The following THNSL1 variants were observed in gnomAD, a reference collection of about 807,000 sequenced individuals.
THNSL1 encodes threonine synthase like 1, also known as threonine synthase-like 1.
Under a neutral mutation model 50.4 loss-of-function variants are expected in THNSL1, and 48 were observed. That is an observed-to-expected ratio of 0.95 (90% CI 0.76 to 1.21). The LOEUF (loss-of-function observed/expected upper bound fraction) is 1.21. Ranked by LOEUF, THNSL1 falls within the 50% of genes most tolerant of loss-of-function variation. THNSL1 has a pLI of 0.00. For synonymous variants in THNSL1, 309 were observed against 306.1 expected (o/e 1.01, Z -0.10); for missense variants, 896 against 871.7 (o/e 1.03, Z -0.35).
chr10:25,005,467 T>C, the THNSL1 span, among the ~76,000 whole-genome samples: 6 of 152,212 alleles, frequency 3.9e-5, no homozygotes, highest in Non-Finnish European at 8.8e-5. Context: ...ATTGAGATTT[T>C]TTTTTCCTCT....
the THNSL1 span, among the ~76,000 whole-genome samples, chr10:24,994,886 G>T: frequency 6.6e-6 from 1 of 151,974 alleles, no homozygotes; most frequent in Non-Finnish European, 1.5e-5. Context: ...ACCAGGCCTG[G>T]TGATGCATGC....
rs140656866 is a variant in THNSL1, at chr10:25,024,190, G to C, written c.967G>C (p.Ala323Pro). 5.6e-5 allele frequency: 91 copies of C among 1,614,074 alleles called. No individual in the cohort carries two copies. The highest frequency in any genetic ancestry group is 3.3e-5 in the Admixed American group (2 of 60,010). Residue 323 changes from alanine (A) to proline (P), a missense_variant, in exon 3 of 3, where the codon GCC becomes CCC. Transcript: ENST00000376356. Reference protein sequence around the residue: ...MIETAYGENFACSKIAPVRHL... With the variant: ...MIETAYGENFPCSKIAPVRHL... ...TGAAACTGCTTATGGGGAAAACTTTGCCTGCTCAAAAATTGCTCCTGTCAG... is the reference window on the plus strand; with the variant it reads ...TGAAACTGCTTATGGGGAAAACTTTCCCTGCTCAAAAATTGCTCCTGTCAG...
the THNSL1 span, among the ~76,000 whole-genome samples, chr10:24,989,050 C>T: frequency 2.0e-5 from 3 of 152,010 alleles, no homozygotes; most frequent in Non-Finnish European, 2.9e-5. Flanking sequence ...TTATCTCCTA[C>T]AGCCAAAAAG....
At chr10:24,991,895 A>G in the THNSL1 span, among the ~76,000 whole-genome samples, 2 of 152,236 alleles carry the variant, frequency 1.3e-5, no homozygotes, top group Non-Finnish European at 2.9e-5. Flanking sequence ...GTAAACATCG[A>G]CCCATAGACC....
the THNSL1 span, among the ~76,000 whole-genome samples, chr10:24,972,745 A>C: frequency 1.3e-5 from 2 of 152,268 alleles, no homozygotes; most frequent in South Asian, 2.1e-4. Context: ...GAAAAGTTGC[A>C]ACATTCCTGA....
the THNSL1 span, chr10:24,984,432 A>G: frequency 3.2e-6 from 5 of 1,547,420 alleles, no homozygotes; most frequent in African/African-American, 4.2e-5. Flanking sequence ...ATTTTTCAGG[A>G]CCTAGAAATT....
the THNSL1 span, among the ~76,000 whole-genome samples, chr10:24,977,345 C>T: frequency 2.0e-5 from 3 of 152,108 alleles, no homozygotes; most frequent in Non-Finnish European, 4.4e-5. Flanking sequence ...GAAAGGGACA[C>T]GAGAAAGATG....
At chr10:24,988,700 A>ATATATATG in the THNSL1 span, among the ~76,000 whole-genome samples, 1 of 34,488 alleles carries the variant, frequency 2.9e-5, no homozygotes, top group African/African-American at 1.6e-4. Context: ...ATATATATAT[A>ATATATATG]TATATATATA....
At chr10:24,965,886 A>G in the THNSL1 span, among the ~76,000 whole-genome samples, 3 of 152,194 alleles carry the variant, frequency 2.0e-5, no homozygotes, top group African/African-American at 7.2e-5. Context: ...CCACACAACC[A>G]CCTGAAACCT....
At chr10:24,999,044 G>A in the THNSL1 span, among the ~76,000 whole-genome samples, 1 of 152,174 alleles carries the variant, frequency 6.6e-6, no homozygotes, top group Non-Finnish European at 1.5e-5. Flanking sequence ...AGGCCAGACA[G>A]GGTTTAGATG....
At chr10:25,009,814 G>A in the THNSL1 span, among the ~76,000 whole-genome samples, 17 of 149,948 alleles carry the variant, frequency 1.1e-4, no homozygotes, top group East Asian at 2.1e-3. Context: ...ACACACTCTC[G>A]TTTCCCACTA....
chr10:24,963,717 T>C, the THNSL1 span, among the ~76,000 whole-genome samples: 61 of 152,278 alleles, frequency 4.0e-4, 1 homozygote, highest in African/African-American at 1.5e-3. Context: ...ATGTAAAACA[T>C]CAGGCAACCA....
intron 1 of THNSL1, among the ~76,000 whole-genome samples, chr10:25,017,381 A>G (rs1850624119): frequency 6.6e-6 from 1 of 152,112 alleles, no homozygotes; most frequent in Non-Finnish European, 1.5e-5. Flanking sequence ...AGGAAGATGG[A>G]TGCCTCTGAA....
At chr10:24,996,671 C>A in the THNSL1 span, among the ~76,000 whole-genome samples, 5 of 152,144 alleles carry the variant, frequency 3.3e-5, no homozygotes, top group Admixed American at 1.3e-4. Flanking sequence ...TTAACCCCAT[C>A]ACAATTACTA....
chr10:24,971,814 C>A, the THNSL1 span, among the ~76,000 whole-genome samples: 1 of 152,196 alleles, frequency 6.6e-6, no homozygotes, highest in African/African-American at 2.4e-5. Flanking sequence ...CAACATCATG[C>A]ACAGAGGAAC....
the THNSL1 span, among the ~76,000 whole-genome samples, chr10:25,007,677 G>A: frequency 2.0e-5 from 3 of 152,000 alleles, no homozygotes; most frequent in Admixed American, 6.6e-5. Flanking sequence ...CTCATGACCC[G>A]CCTGCCTCGG....
At chr10:24,974,342 A>G in the THNSL1 span, among the ~76,000 whole-genome samples, 1 of 152,178 alleles carries the variant, frequency 6.6e-6, no homozygotes, top group African/African-American at 2.4e-5. Flanking sequence ...TAGCCCCAAT[A>G]TGTGTATTAA....
upstream of THNSL1, among the ~76,000 whole-genome samples, chr10:25,014,882 T>C (rs1429170642): frequency 6.6e-6 from 1 of 152,162 alleles, no homozygotes; most frequent in African/African-American, 2.4e-5. Flanking sequence ...CTAGTAAAAA[T>C]AATTGACCAT....
upstream of THNSL1, among the ~76,000 whole-genome samples, chr10:25,015,392 A>G (rs1850543969): frequency 6.6e-6 from 1 of 152,236 alleles, no homozygotes; most frequent in Non-Finnish European, 1.5e-5. Flanking sequence ...AAGCAAATGT[A>G]AATTTATATT....
Sources: allele counts gnomAD v4.1 joint callset (sites outside exome capture counted in the v4.1 genomes callset), GRCh38; gene constraint gnomAD v4.1.1; transcripts MANE v1.5; gene names NCBI Gene and HGNC (gene_info 2026-07-23, HGNC 2026-07-21).